The following FMN1 variants were observed in gnomAD, a reference collection of about 807,000 sequenced individuals.
The protein encoded by FMN1 is formin 1, also known as formin-1.
In FMN1, 110 loss-of-function variants were observed where a neutral mutation model predicts 132.4. That is an observed-to-expected ratio of 0.83 (90% CI 0.71 to 0.97). FMN1 has a LOEUF of 0.97. Among genes scored for constraint, FMN1 ranks in the 50% least tolerant of loss-of-function variants. The pLI is 0.00. For missense variants in FMN1, 1,792 were observed against 1,705.3 expected (o/e 1.05, Z -0.90); for synonymous variants, 722 against 651.7 (o/e 1.11, Z -1.64).
At chr15:33,083,558 G>A (rs1404859801) in intron 5 of FMN1, among the ~76,000 whole-genome samples, 1 of 152,190 alleles carries the variant, frequency 6.6e-6, no homozygotes, top group Non-Finnish European at 1.5e-5. Context: ...TCTCCACAGG[G>A]ACAGACGCTC....
At chr15:33,107,879 C>T (rs1347035981) in intron 4 of FMN1, among the ~76,000 whole-genome samples, 1 of 152,016 alleles carries the variant, frequency 6.6e-6, no homozygotes, top group Non-Finnish European at 1.5e-5. Flanking sequence ...AATGTAAATG[C>T]TAGTATATTT....
chr15:33,174,890 C>T (rs1965461576), intron 3 of FMN1, among the ~76,000 whole-genome samples: 1 of 152,214 alleles, frequency 6.6e-6, no homozygotes, highest in Non-Finnish European at 1.5e-5. Context: ...TCTTCAATTA[C>T]ATCAGGATTT....
intron 4 of FMN1, among the ~76,000 whole-genome samples, chr15:33,138,447 C>T (rs35493298): frequency 0.052 from 7,929 of 152,212 alleles, 300 homozygotes; most frequent in Non-Finnish European, 0.069. Flanking sequence ...CCTCTGACAT[C>T]TCTCCCCAAG....
chr15:32,988,049 G>GTT (rs10573409), intron 7 of FMN1, among the ~76,000 whole-genome samples: 1,914 of 118,142 alleles, frequency 0.016, 75 homozygotes, highest in East Asian at 0.13. Flanking sequence ...TGTCTCTCCA[G>GTT]TTTTTTTTTT....
chr15:32,960,551 T>A (rs139249454), intron 9 of FMN1, among the ~76,000 whole-genome samples: 268 of 152,342 alleles, frequency 1.8e-3, no homozygotes, highest in Admixed American at 3.0e-3. Flanking sequence ...ATGATTTTTA[T>A]CCGTAATTGA....
At chr15:33,088,707 G>A in intron 5 of FMN1, 92 bp downstream of exon 5, 1 of 1,130,624 alleles carries the variant, frequency 8.8e-7, no homozygotes, top group South Asian at 1.9e-5. Context: ...ATTAAATGCA[G>A]CTTTATATAC....
intron 9 of FMN1, among the ~76,000 whole-genome samples, chr15:32,939,515 T>TTA (rs2061355621): frequency 6.6e-6 from 1 of 152,192 alleles, no homozygotes; most frequent in South Asian, 2.1e-4. Flanking sequence ...TTTAGAATCA[T>TTA]TGTTAAGTTT....
intron 15 of FMN1, among the ~76,000 whole-genome samples, chr15:32,898,264 C>T (rs2060207532): frequency 6.6e-6 from 1 of 152,108 alleles, no homozygotes; most frequent in Non-Finnish European, 1.5e-5. Flanking sequence ...TACAACAATA[C>T]CTTTTTCTTC....
At chr15:32,948,969 T>A (rs945006915) in intron 9 of FMN1, among the ~76,000 whole-genome samples, 5 of 152,080 alleles carry the variant, frequency 3.3e-5, no homozygotes, top group Non-Finnish European at 7.4e-5. Context: ...GATTTTTTTG[T>A]ATTTTTCTAG....
intron 7 of FMN1, among the ~76,000 whole-genome samples, chr15:32,994,013 C>T (rs1228253089): frequency 2.6e-5 from 4 of 151,956 alleles, no homozygotes; most frequent in Non-Finnish European, 4.4e-5. Context: ...AATTGGGAAA[C>T]CTTAAAAAGA....
intron 16 of FMN1, among the ~76,000 whole-genome samples, chr15:32,872,650 C>T (rs2059542689): frequency 6.6e-6 from 1 of 152,202 alleles, no homozygotes; most frequent in Admixed American, 6.5e-5. Flanking sequence ...TACAGCAATG[C>T]TGGTCTTAGG....
chr15:33,035,513 G>T (rs1256705146), intron 6 of FMN1, among the ~76,000 whole-genome samples: 2 of 152,066 alleles, frequency 1.3e-5, no homozygotes, highest in Non-Finnish European at 2.9e-5. Flanking sequence ...GTACACCACA[G>T]CACTCCCAAT....
In FMN1 at chr15:32,908,535, T is replaced by A. The variant is rs923344239; in HGVS notation, c.3332A>T (p.Glu1111Val). The A allele has an allele frequency of 6.2e-7, 1 of 1,611,164 alleles. No individual in the cohort carries two copies. ...DELVKIRKYY[E>V]TSKEEELKLL... is the part of the protein sequence containing the mutation. Reference sequence around the variant, plus strand: ...CTTCAGTTCTTCTTCTTTGGATGTCTCGTAATACTTTCTTATTTTAACCAG... The same window carrying A: ...CTTCAGTTCTTCTTCTTTGGATGTCACGTAATACTTTCTTATTTTAACCAG... Residue 1111 changes from glutamate (E) to valine (V), a missense_variant, in exon 12 of 21, where the codon GAG (glutamate) becomes GTG (valine). Glu to Val is a moderately radical substitution (Grantham distance 121). Coordinates refer to ENST00000616417, the MANE Select transcript of FMN1 (RefSeq NM_001277313.2).
At chr15:32,799,956 C>T (rs1038547167) in intron 18 of FMN1, among the ~76,000 whole-genome samples, 4 of 152,156 alleles carry the variant, frequency 2.6e-5, no homozygotes, top group Non-Finnish European at 5.9e-5. Flanking sequence ...GCTCTATCAT[C>T]TGTTCAGACA....
At chr15:32,780,449 T>A (rs1193871136) in intron 19 of FMN1, among the ~76,000 whole-genome samples, 1 of 152,192 alleles carries the variant, frequency 6.6e-6, no homozygotes, top group Non-Finnish European at 1.5e-5. Context: ...TTACCCTGTA[T>A]GGTCTTAAAA....
intron 4 of FMN1, chr15:33,150,431 G>A (rs1181182105): frequency 1.0e-6 from 1 of 985,314 alleles, no homozygotes; most frequent in East Asian, 1.1e-4. Context: ...GTTCTTGTTA[G>A]TATATTCTCT....
chr15:32,816,063 C>T (rs186978466), intron 17 of FMN1, among the ~76,000 whole-genome samples: 15 of 152,112 alleles, frequency 9.9e-5, no homozygotes, highest in Middle Eastern at 3.4e-3. Flanking sequence ...AAGTAAATAC[C>T]GATTATGATA....
At chr15:33,150,842 A>G in intron 4 of FMN1, 1 of 989,508 alleles carries the variant, frequency 1.0e-6, no homozygotes, top group Non-Finnish European at 1.2e-6. Flanking sequence ...TTAATAGCTA[A>G]CCTGGGAGAA....
chr15:33,192,561 C>T (rs1192760008), intron 2 of FMN1, among the ~76,000 whole-genome samples: 2 of 152,192 alleles, frequency 1.3e-5, no homozygotes, highest in Non-Finnish European at 2.9e-5. Flanking sequence ...CGTATCTCAA[C>T]TAAGAATCGG....
Sources: allele counts gnomAD v4.1 joint callset (sites outside exome capture counted in the v4.1 genomes callset), GRCh38; gene constraint gnomAD v4.1.1; transcripts MANE v1.5; gene names NCBI Gene and HGNC (gene_info 2026-07-23, HGNC 2026-07-21).